Variants in HDAC9 observed in about 807,000 individuals in gnomAD.
HDAC9 encodes the protein histone deacetylase 9.
A neutral mutation model predicts 139.4 loss-of-function variants in HDAC9; 41 were observed. That is an observed-to-expected ratio of 0.29 (90% CI 0.23 to 0.38). The LOEUF (loss-of-function observed/expected upper bound fraction) is 0.38. HDAC9 is among the 10% of genes least tolerant of loss of function. The pLI, the probability that HDAC9 is intolerant of heterozygous loss-of-function variation, is 1.00. For synonymous variants in HDAC9, 517 were observed against 476.2 expected, an observed-to-expected ratio of 1.09 and a Z score of -1.12; for missense variants, 1,147 against 1,297.0, an observed-to-expected ratio of 0.88 and a Z score of 1.78.
chr7:18,957,802 C>T (rs1382492066), intron 24 of HDAC9, among the ~76,000 whole-genome samples: 1 of 152,122 alleles, frequency 6.6e-6, no homozygotes, highest in Non-Finnish European at 1.5e-5. Flanking sequence ...CTCCTTTCAA[C>T]TTTAGGGGGT....
intron 2 of HDAC9, among the ~76,000 whole-genome samples, chr7:18,180,263 A>ACACACCCCC (rs751720529): frequency 6.7e-6 from 1 of 149,542 alleles, no homozygotes; most frequent in African/African-American, 2.5e-5. Context: ...ACACACACAC[A>ACACACCCCC]CACACACACA....
intron 24 of HDAC9, among the ~76,000 whole-genome samples, chr7:18,975,380 A>G (rs1442077397): frequency 6.6e-6 from 1 of 152,040 alleles, no homozygotes; most frequent in Non-Finnish European, 1.5e-5. Flanking sequence ...TTCCAACTTC[A>G]TTTTCTTAAA....
intron 1 of HDAC9, among the ~76,000 whole-genome samples, chr7:18,298,610 G>T (rs1346310837): frequency 3.3e-5 from 5 of 152,120 alleles, no homozygotes; most frequent in African/African-American, 1.2e-4. Flanking sequence ...CAAAGGACAT[G>T]AACTCATCAA....
At chr7:18,953,997 C>T (rs1182301119) in intron 23 of HDAC9, 149 bp from the exon 24 acceptor site, 3 of 601,338 alleles carry the variant, frequency 5.0e-6, no homozygotes, top group East Asian at 3.0e-5. Flanking sequence ...AAACTGGCTA[C>T]ACTTCTAGAA....
At chr7:18,877,637 A>G (rs1039800148) in intron 22 of HDAC9, among the ~76,000 whole-genome samples, 2 of 152,150 alleles carry the variant, frequency 1.3e-5, no homozygotes, top group African/African-American at 2.4e-5. Flanking sequence ...TTTGTTTGCT[A>G]TCTCTGAAAG....
At chr7:18,672,490 CCTATT>C (rs1795728420) in intron 12 of HDAC9, among the ~76,000 whole-genome samples, 1 of 151,890 alleles carries the variant, frequency 6.6e-6, no homozygotes, top group African/African-American at 2.4e-5. Flanking sequence ...AATATTTTCT[CCTATT>C]CTGTCAGTTT....
At chr7:18,762,544 T>A (rs1362676410) in intron 15 of HDAC9, among the ~76,000 whole-genome samples, 2 of 152,208 alleles carry the variant, frequency 1.3e-5, no homozygotes, top group African/African-American at 4.8e-5. Context: ...TTTTTGCATA[T>A]AGAAAAAACT....
At chr7:18,246,813 G>C (rs1329697255) in intron 2 of HDAC9, among the ~76,000 whole-genome samples, 3 of 152,142 alleles carry the variant, frequency 2.0e-5, no homozygotes, top group African/African-American at 4.8e-5. Flanking sequence ...GAGGCAGATT[G>C]ACTAGGAGGT....
intron 2 of HDAC9, among the ~76,000 whole-genome samples, chr7:18,274,653 A>G (rs892200510): frequency 6.6e-6 from 1 of 152,204 alleles, no homozygotes; most frequent in Non-Finnish European, 1.5e-5. Context: ...ATAATTTGAG[A>G]TATTTTTATG....
intron 1 of HDAC9, among the ~76,000 whole-genome samples, chr7:18,336,192 AT>A (rs1767620597): frequency 6.6e-6 from 1 of 151,628 alleles, no homozygotes; most frequent in African/African-American, 2.4e-5. Flanking sequence ...TTAATAGCAC[AT>A]AGCATATCTT....
In HDAC9 at chr7:18,591,704, C is replaced by T. The variant is rs57023208; in HGVS notation, c.542+62C>T. 3.5e-4 allele frequency: 548 copies of T among 1,582,750 alleles called. 1 individual carries two copies. In the African/African-American group the frequency reaches 6.7e-3, roughly 19 times the overall value. ...AAAGAACACAGGTTCTGTATTTAGC[C>T]GACCTGGGTACACATCCTTAGCCTG... On this transcript the variant is annotated intron_variant, in intron 5 of 25. Coordinates refer to ENST00000686413, the MANE Select transcript of HDAC9 (RefSeq NM_178425.4).
At chr7:18,887,458 ATGT>A (rs1298924165) in intron 22 of HDAC9, among the ~76,000 whole-genome samples, 4 of 152,116 alleles carry the variant, frequency 2.6e-5, no homozygotes, top group Non-Finnish European at 5.9e-5. Context: ...TTGTGTCTTG[ATGT>A]TCTTTTTATT....
intron 17 of HDAC9, among the ~76,000 whole-genome samples, chr7:18,810,975 A>G (rs1299589148): frequency 1.3e-5 from 2 of 151,824 alleles, no homozygotes; most frequent in East Asian, 3.9e-4. Context: ...ATATATTTTT[A>G]TTTCATGTGG....
chr7:18,318,098 C>T (rs1299428391), intron 1 of HDAC9, among the ~76,000 whole-genome samples: 2 of 152,058 alleles, frequency 1.3e-5, no homozygotes, highest in Admixed American at 1.3e-4. Flanking sequence ...AGAATTATAT[C>T]AGAGCCTGGT....
chr7:18,374,441 A>C (rs548094037), intron 1 of HDAC9, among the ~76,000 whole-genome samples: 32 of 152,138 alleles, frequency 2.1e-4, no homozygotes, highest in African/African-American at 6.0e-4. Context: ...CTACACACCT[A>C]GGCTATATGG....
intron 1 of HDAC9, among the ~76,000 whole-genome samples, chr7:18,108,633 G>A (rs1412363343): frequency 2.3e-5 from 2 of 85,976 alleles, no homozygotes. Context: ...TTTTTTTTTT[G>A]GATATGGAGT....
intron 17 of HDAC9, among the ~76,000 whole-genome samples, chr7:18,818,345 C>T (rs1794720158): frequency 6.6e-6 from 1 of 152,104 alleles, no homozygotes; most frequent in Non-Finnish European, 1.5e-5. Flanking sequence ...GGATAGTAGG[C>T]AGTTATATTA....
Position 18,797,292 on chromosome 7 carries a change from A to G in HDAC9, c.2322+3840A>G, listed in dbSNP as rs549933606. On this transcript the variant is annotated intron_variant, in intron 17 of 25. Coordinates refer to ENST00000686413, the MANE Select transcript of HDAC9 (RefSeq NM_178425.4). The stretch of plus-strand genomic sequence containing the variant: ...GATAGCACAAATATACATTTAAAAA[A>G]GGGGCTAAAACTATCTATTTTAAGT... Among the ~76,000 whole-genome samples, 9 of 152,336 alleles carry G rather than the reference A, an allele frequency of 5.9e-5. No individual in the cohort carries two copies. In the East Asian group the frequency reaches 1.7e-3, roughly 29 times the overall value.
At chr7:18,612,499 A>C (rs1050048577) in intron 6 of HDAC9, among the ~76,000 whole-genome samples, 1 of 152,074 alleles carries the variant, frequency 6.6e-6, no homozygotes, top group Admixed American at 6.6e-5. Context: ...GATAATATGC[A>C]TATTAATGTT....
Sources: allele counts gnomAD v4.1 joint callset (sites outside exome capture counted in the v4.1 genomes callset), GRCh38; gene constraint gnomAD v4.1.1; transcripts MANE v1.5; gene names NCBI Gene and HGNC (gene_info 2026-07-23, HGNC 2026-07-21).